Variants in SMARCA4 observed in about 807,000 individuals in gnomAD.
SMARCA4 encodes the protein SWI/SNF related BAF chromatin remodeling complex subunit ATPase 4.
Under a neutral mutation model 193.9 loss-of-function variants are expected in SMARCA4, and 31 were observed. The observed-to-expected ratio is 0.16, with a 90% CI of 0.12 to 0.22. The LOEUF is 0.22. Ranked by LOEUF, SMARCA4 falls within the 10% of genes least tolerant of loss-of-function variation. SMARCA4 has a pLI of 1.00. For missense variants in SMARCA4, 1,148 were observed against 2,296.0 expected (o/e 0.50, Z 10.22); for synonymous variants, 942 against 933.1 (o/e 1.01, Z -0.17).
chr19:10,993,265 C>T (rs1235784373), intron 8 of SMARCA4, among the ~76,000 whole-genome samples: 1 of 152,186 alleles, frequency 6.6e-6, no homozygotes, highest in Non-Finnish European at 1.5e-5. Context: ...GAATTACAGG[C>T]GTGAGCCGCT....
rs530281079 is a variant in SMARCA4 at position 11,005,077 on chromosome 19, C to G, written c.2001+1680C>G. 1.9e-3 allele frequency among the ~76,000 whole-genome samples: 284 copies of G among 152,318 alleles called. 2 individuals are homozygous for G. The highest frequency in any genetic ancestry group is 6.5e-3 in the African/African-American group (272 of 41,564). On this transcript the variant is annotated intron_variant, in intron 13 of 34. Coordinates refer to ENST00000344626, the MANE Select transcript of SMARCA4 (RefSeq NM_003072.5). ...TCTCGAACTCCTGACCTCAGGTGATCTGCCTGCCTTGGCCTCCCAAAGTGT... is the reference window on the plus strand; with the variant it reads ...TCTCGAACTCCTGACCTCAGGTGATGTGCCTGCCTTGGCCTCCCAAAGTGT...
At chr19:11,007,529 A>G (rs1217488512) in intron 13 of SMARCA4, among the ~76,000 whole-genome samples, 1 of 151,220 alleles carries the variant, frequency 6.6e-6, no homozygotes, top group Non-Finnish European at 1.5e-5. Flanking sequence ...GCTTGAGCCC[A>G]GGAGTTTGAG....
chr19:11,049,922 C>CA (rs2076163451), intron 30 of SMARCA4, among the ~76,000 whole-genome samples: 1 of 152,134 alleles, frequency 6.6e-6, no homozygotes, highest in Admixed American at 6.6e-5. Flanking sequence ...GCCAACGTGG[C>CA]AAAAACCCCG....
chr19:11,025,333 G>A, intron 21 of SMARCA4, 89 bp from the exon 22 acceptor site: 1 of 831,404 alleles, frequency 1.2e-6, no homozygotes, highest in Non-Finnish European at 2.1e-6. Flanking sequence ...CGTCCCCATG[G>A]CCCTTCTCCC....
chr19:11,020,281 A>G (rs1396104532), intron 18 of SMARCA4, among the ~76,000 whole-genome samples: 2 of 152,186 alleles, frequency 1.3e-5, no homozygotes, highest in African/African-American at 4.8e-5. Flanking sequence ...TACGGCCCAG[A>G]TAGAAAACAG....
intron 21 of SMARCA4, 87 bp from the exon 22 acceptor site, chr19:11,025,335 C>T (rs2090175367): frequency 1.2e-6 from 1 of 848,438 alleles, no homozygotes; most frequent in Non-Finnish European, 2.0e-6. Flanking sequence ...TCCCCATGGC[C>T]CTTCTCCCAA....
Position 11,034,367 on chromosome 19 carries a change from C to G in SMARCA4, c.3951+167C>G, listed in dbSNP as rs1360258887. Among the ~76,000 whole-genome samples, 2 of 152,172 alleles carry G rather than the reference C, an allele frequency of 1.3e-5. No homozygotes were observed. The highest frequency in any genetic ancestry group is 1.3e-4 in the Admixed American group (2 of 15,282). On this transcript the variant is annotated intron_variant, in intron 28 of 34. Transcript: ENST00000344626. This position sits in a 1 kb window ranked among gnomAD's most constrained non-coding sequence, Gnocchi z 7.0. ...CTCCAGACTGACCCGTCTTCCACCC[C>G]CAGTCTCCTGAGGATGGCATCGGAG...
At chr19:10,966,264 G>A (rs1053246099) in intron 1 of SMARCA4, among the ~76,000 whole-genome samples, 5 of 152,010 alleles carry the variant, frequency 3.3e-5, no homozygotes, top group South Asian at 2.1e-4. Context: ...GATTACAGAC[G>A]TGAGCTACCG....
At chr19:10,989,128 C>G (rs908934733) in intron 6 of SMARCA4, among the ~76,000 whole-genome samples, 189 bp from the exon 7 acceptor site, 1 of 152,218 alleles carries the variant, frequency 6.6e-6, no homozygotes, top group Non-Finnish European at 1.5e-5. Context: ...CCCTGAGGCC[C>G]GGTCCTGAGG....
At position 11,041,010 on chromosome 19, in the gene SMARCA4, C is replaced by T. The variant is rs75122880; in HGVS notation, c.4171-297C>T. The T allele has an allele frequency of 9.2e-3, 3,427 of 374,052 alleles. 70 individuals carry two copies. Among genetic ancestry groups the T allele is most frequent in the South Asian group, 0.048 (956 of 20,112 alleles). The allele number at this position is 374,052 out of a possible 1,614,324, so 23.2% of individuals were successfully genotyped here. On this transcript the variant is annotated intron_variant, in intron 29 of 34. Transcript: ENST00000344626. The surrounding 1 kb of genome is among the most constrained non-coding windows in gnomAD (Gnocchi z 5.6). ...TCCGGGTGAAGGGATTTCAGGAGCACGTTCTTTTCTGTACAGAGAAGATAG... is the reference window on the plus strand; with the variant it reads ...TCCGGGTGAAGGGATTTCAGGAGCATGTTCTTTTCTGTACAGAGAAGATAG...
intron 32 of SMARCA4, 39 bp from the exon 33 acceptor site, chr19:11,059,714 T>C (rs2147111440): frequency 6.4e-6 from 10 of 1,551,198 alleles, no homozygotes; most frequent in Non-Finnish European, 8.7e-6. Flanking sequence ...AGCCCTCCAG[T>C]CGGGCCCATC....
At position 10,972,813 on chromosome 19, in the gene SMARCA4, G is replaced by A. The variant is rs541762487; in HGVS notation, c.-31-11308G>A. 1.1e-4 allele frequency among the ~76,000 whole-genome samples: 17 copies of A among 152,250 alleles called. No homozygotes were observed. The South Asian group carries it at 3.5e-3, about 32-fold the overall frequency. On this transcript the variant is annotated intron_variant, in intron 1 of 34. Coordinates refer to ENST00000344626, the MANE Select transcript of SMARCA4 (RefSeq NM_003072.5). ...TCCATCCAGTGGGCCTCGGCCAGCC[G>A]AAAAGAAAGAATAGGGGCCGGGCAC...
intron 19 of SMARCA4, among the ~76,000 whole-genome samples, chr19:11,022,888 G>C (rs2089978814): frequency 6.6e-6 from 1 of 152,242 alleles, no homozygotes; most frequent in Admixed American, 6.5e-5. Context: ...GTCACTTTCT[G>C]AGCCGAGCAA....
At chr19:11,014,834 GA>G (rs1431583048) in intron 16 of SMARCA4, among the ~76,000 whole-genome samples, 1 of 147,256 alleles carries the variant, frequency 6.8e-6, no homozygotes, top group Non-Finnish European at 1.5e-5. Flanking sequence ...TTTATTTTTT[GA>G]GGAGTCTCGC....
chr19:10,999,278 C>T (rs2087395143), intron 11 of SMARCA4, among the ~76,000 whole-genome samples: 1 of 152,100 alleles, frequency 6.6e-6, no homozygotes, highest in African/African-American at 2.4e-5. Flanking sequence ...GCTAGTGGGC[C>T]ATCACTGCTT....
At chr19:11,027,466 C>T (rs867159179) in intron 23 of SMARCA4, among the ~76,000 whole-genome samples, 29 of 152,206 alleles carry the variant, frequency 1.9e-4, no homozygotes, top group African/African-American at 6.5e-4. Context: ...CTTCCCGGAG[C>T]ATCCCTGTTC....
intron 6 of SMARCA4, among the ~76,000 whole-genome samples, 177 bp from the exon 7 acceptor site, chr19:10,989,140 G>C (rs1267482473): frequency 6.6e-6 from 1 of 152,236 alleles, no homozygotes; most frequent in African/African-American, 2.4e-5. Context: ...GTCCTGAGGA[G>C]TGCCCCGGGC....
intron 1 of SMARCA4, among the ~76,000 whole-genome samples, chr19:10,963,065 C>T (rs1415670682): frequency 6.6e-6 from 1 of 152,012 alleles, no homozygotes; most frequent in Non-Finnish European, 1.5e-5. Flanking sequence ...GATCGCGTGA[C>T]CATCTGTGTA....
chr19:11,023,474 C>T (rs377397896), intron 19 of SMARCA4, 44 bp from the exon 20 acceptor site: 67 of 1,277,638 alleles, frequency 5.2e-5, no homozygotes, highest in Non-Finnish European at 7.4e-5. Flanking sequence ...CTGTCGCCCT[C>T]CTTTGGAGGT....
Sources: gnomAD v4.1 joint callset for allele counts (sites outside exome capture counted in the v4.1 genomes callset) on GRCh38, gnomAD v4.1.1 for gene constraint, Gnocchi (gnomAD v3.1) non-coding constraint, MANE v1.5 for transcripts, NCBI Gene and HGNC (gene_info 2026-07-23, HGNC 2026-07-21) for gene names.